RANBP2: variants seen among roughly 807,000 people sequenced by gnomAD.
RANBP2 encodes RAN binding protein 2.
RANBP2 carries 57 observed loss-of-function variants against 303.6 expected under a neutral mutation model. That is an observed-to-expected ratio of 0.19 (90% CI 0.15 to 0.23). The LOEUF is 0.23. Ranked by LOEUF, RANBP2 falls within the 10% of genes least tolerant of loss-of-function variation. The probability of loss-of-function intolerance (pLI) is 1.00; values close to 1 mark genes in which losing one functional copy is unlikely to be tolerated. For synonymous variants in RANBP2, 1,167 were observed against 1,301.5 expected (o/e 0.90, Z 2.23); for missense variants, 3,138 against 3,780.8 (o/e 0.83, Z 4.46).
At chr2:109,677,733 C>T in the RANBP2 span, among the ~76,000 whole-genome samples, 1 of 152,210 alleles carries the variant, frequency 6.6e-6, no homozygotes, top group Non-Finnish European at 1.5e-5. Context: ...ACCAAATTGT[C>T]GTGCTCCAGA....
chr2:109,428,251 A>AG, the RANBP2 span, among the ~76,000 whole-genome samples: 1,009 of 152,370 alleles, frequency 6.6e-3, 12 homozygotes, highest in African/African-American at 0.023. Flanking sequence ...CACCATCTAG[A>AG]GGAGAAAGGG....
chr2:109,139,707 A>G, the RANBP2 span, among the ~76,000 whole-genome samples: 2 of 152,358 alleles, frequency 1.3e-5, no homozygotes, highest in Admixed American at 1.3e-4. Flanking sequence ...GGTGACGTAT[A>G]TCAGATCCTG....
chr2:108,990,540 G>A, the RANBP2 span, among the ~76,000 whole-genome samples: 1 of 152,014 alleles, frequency 6.6e-6, no homozygotes, highest in Non-Finnish European at 1.5e-5. Flanking sequence ...AAGTTGCAGT[G>A]AGCCGAGATT....
At chr2:108,726,223 C>T (rs1347070774) in intron 1 of RANBP2, among the ~76,000 whole-genome samples, 7 of 152,294 alleles carry the variant, frequency 4.6e-5, no homozygotes, top group East Asian at 3.9e-4. Context: ...TCCCTTTGTC[C>T]GACATATTCA....
the RANBP2 span, among the ~76,000 whole-genome samples, chr2:109,609,666 A>G: frequency 6.6e-6 from 1 of 152,058 alleles, no homozygotes; most frequent in African/African-American, 2.4e-5. Flanking sequence ...CACAACTTCA[A>G]GACAGAAAGT....
At chr2:109,209,825 TA>T in the RANBP2 span, among the ~76,000 whole-genome samples, 2 of 152,322 alleles carry the variant, frequency 1.3e-5, no homozygotes, top group African/African-American at 4.8e-5. Context: ...CAAGATTTAT[TA>T]TTGTGACAAA....
the RANBP2 span, among the ~76,000 whole-genome samples, chr2:109,453,010 A>G: frequency 1.4e-5 from 2 of 142,450 alleles, no homozygotes; most frequent in African/African-American, 2.6e-5. Flanking sequence ...TCCCCGGGAA[A>G]CTGGTCCCCG....
At chr2:109,002,216 G>A in the RANBP2 span, among the ~76,000 whole-genome samples, 1 of 152,356 alleles carries the variant, frequency 6.6e-6, no homozygotes, top group Non-Finnish European at 1.5e-5. Context: ...CCCAGAGGAG[G>A]ACCCAGGTTT....
At chr2:109,356,692 C>T in the RANBP2 span, among the ~76,000 whole-genome samples, 1 of 152,176 alleles carries the variant, frequency 6.6e-6, no homozygotes, top group South Asian at 2.1e-4. Context: ...TAGTGATGGC[C>T]AACTCCTGGC....
the RANBP2 span, among the ~76,000 whole-genome samples, chr2:108,937,296 GGGGT>G: frequency 6.6e-6 from 1 of 152,248 alleles, no homozygotes; most frequent in Non-Finnish European, 1.5e-5. Context: ...GCCCCTCAAA[GGGGT>G]GGGCTGTGTC....
At chr2:109,238,286 A>G in the RANBP2 span, among the ~76,000 whole-genome samples, 11 of 152,340 alleles carry the variant, frequency 7.2e-5, no homozygotes, top group East Asian at 2.1e-3. Context: ...AGGATACCAG[A>G]TGGCAAGTAC....
At chr2:109,564,313 T>G in the RANBP2 span, 12 of 1,424,100 alleles carry the variant, frequency 8.4e-6, no homozygotes, top group Non-Finnish European at 1.1e-5. Context: ...TATAAAAATA[T>G]GCAATCCTCT....
intron 25 of RANBP2, among the ~76,000 whole-genome samples, chr2:108,780,737 T>G (rs1249773468): frequency 6.6e-6 from 1 of 150,874 alleles, no homozygotes; most frequent in Admixed American, 6.6e-5. Flanking sequence ...GAGACGGAGT[T>G]TCACTCTTGT....
At chr2:109,132,263 G>T in the RANBP2 span, among the ~76,000 whole-genome samples, 1 of 152,072 alleles carries the variant, frequency 6.6e-6, no homozygotes, top group African/African-American at 2.4e-5. Context: ...ATACTTTTTA[G>T]GTATATAGGT....
At chr2:108,761,161 T>G (rs1332984875) in intron 18 of RANBP2, among the ~76,000 whole-genome samples, 5 of 149,268 alleles carry the variant, frequency 3.3e-5, no homozygotes, top group African/African-American at 1.2e-4. Flanking sequence ...CAGACAGACA[T>G]CTTGCAAGAC....
At chr2:109,049,974 G>T in the RANBP2 span, among the ~76,000 whole-genome samples, 1 of 152,140 alleles carries the variant, frequency 6.6e-6, no homozygotes, top group Non-Finnish European at 1.5e-5. Flanking sequence ...CCACACCACC[G>T]TGAGCGTGTA....
chr2:109,398,570 C>A, the RANBP2 span: 324 of 1,531,082 alleles, frequency 2.1e-4, no homozygotes, highest in African/African-American at 3.7e-3. Flanking sequence ...GCAGCCTCCC[C>A]TCTCCCCTTT....
chr2:109,231,664 T>A, the RANBP2 span, among the ~76,000 whole-genome samples: 4 of 152,326 alleles, frequency 2.6e-5, no homozygotes, highest in South Asian at 6.2e-4. Flanking sequence ...ATACTAACAT[T>A]AGCCTAAGTA....
the RANBP2 span, among the ~76,000 whole-genome samples, chr2:109,202,503 A>G: frequency 6.6e-6 from 1 of 152,164 alleles, no homozygotes; most frequent in South Asian, 2.1e-4. Context: ...TGTTCCTCAC[A>G]TGTCTGGGTA....
Sources: gnomAD v4.1 joint callset for allele counts (sites outside exome capture counted in the v4.1 genomes callset) on GRCh38, gnomAD v4.1.1 for gene constraint, MANE v1.5 for transcripts, NCBI Gene and HGNC (gene_info 2026-07-23, HGNC 2026-07-21) for gene names.